SYN2: variants seen among roughly 807,000 people sequenced by gnomAD.
SYN2 encodes synapsin II, also known as synapsin-2.
SYN2 carries 19 observed loss-of-function variants against 50.9 expected under a neutral mutation model. That is an observed-to-expected ratio of 0.37 (90% CI 0.26 to 0.55). The LOEUF is 0.55. SYN2 is among the 20% of genes least tolerant of loss of function. SYN2 has a pLI of 0.81. For synonymous variants in SYN2, 255 were observed against 224.9 expected, an observed-to-expected ratio of 1.13 and a Z score of -1.20; for missense variants, 587 against 576.4, an observed-to-expected ratio of 1.02 and a Z score of -0.19.
chr3:12,153,554 C>A, intron 5 of SYN2: 1 of 1,614,012 alleles, frequency 6.2e-7, no homozygotes, highest in Non-Finnish European at 8.5e-7. Flanking sequence ...TCCTGAGAGG[C>A]AGGTGGCCCC....
At chr3:12,019,551 A>G (rs1253452949) in intron 1 of SYN2, among the ~76,000 whole-genome samples, 2 of 152,214 alleles carry the variant, frequency 1.3e-5, no homozygotes, top group African/African-American at 2.4e-5. Flanking sequence ...ACATCAGTTA[A>G]CTTGGCAAAA....
intron 1 of SYN2, among the ~76,000 whole-genome samples, chr3:12,064,854 C>T (rs1695177815): frequency 6.6e-6 from 1 of 152,100 alleles, no homozygotes; most frequent in Admixed American, 6.6e-5. Context: ...CCATATGAGC[C>T]AGCAATTTCA....
At chr3:12,152,626 C>G (rs1173050937) in intron 5 of SYN2, among the ~76,000 whole-genome samples, 1 of 152,172 alleles carries the variant, frequency 6.6e-6, no homozygotes, top group Non-Finnish European at 1.5e-5. Flanking sequence ...GGTGCTCTAT[C>G]CTGAAATTTG....
chr3:12,051,084 G>A (rs1694850426), intron 1 of SYN2, among the ~76,000 whole-genome samples: 1 of 152,058 alleles, frequency 6.6e-6, no homozygotes, highest in South Asian at 2.1e-4. Flanking sequence ...AAATAGAATA[G>A]CAAAAGGATT....
intron 5 of SYN2, among the ~76,000 whole-genome samples, chr3:12,160,872 A>G (rs1450707901): frequency 6.6e-6 from 1 of 152,258 alleles, no homozygotes; most frequent in Non-Finnish European, 1.5e-5. Flanking sequence ...CCTCTGTTAA[A>G]GTATGGCTAC....
At chr3:12,022,495 C>T (rs1254079461) in intron 1 of SYN2, among the ~76,000 whole-genome samples, 1 of 152,096 alleles carries the variant, frequency 6.6e-6, no homozygotes, top group Non-Finnish European at 1.5e-5. Context: ...GCAACCTTTG[C>T]CTCTCGGATT....
intron 1 of SYN2, among the ~76,000 whole-genome samples, chr3:12,119,208 CT>C (rs1696498593): frequency 1.3e-5 from 2 of 151,356 alleles, no homozygotes; most frequent in South Asian, 4.2e-4. Flanking sequence ...GTCAGCTATC[CT>C]TCCTTGGTTA....
intron 1 of SYN2, among the ~76,000 whole-genome samples, chr3:12,135,764 C>T (rs866042918): frequency 6.6e-6 from 1 of 152,318 alleles, no homozygotes; most frequent in Middle Eastern, 3.4e-3. Flanking sequence ...GTGCTGTCTT[C>T]TGGTTTTCTC....
At chr3:12,098,003 T>C (rs1008645570) in intron 1 of SYN2, among the ~76,000 whole-genome samples, 2 of 151,980 alleles carry the variant, frequency 1.3e-5, no homozygotes, top group African/African-American at 2.4e-5. Flanking sequence ...TTAGAAAGTA[T>C]AATTAAAAAA....
At chr3:12,049,535 T>TAAA (rs1268002186) in intron 1 of SYN2, among the ~76,000 whole-genome samples, 2 of 149,272 alleles carry the variant, frequency 1.3e-5, no homozygotes, top group East Asian at 3.9e-4. Context: ...AAAAAAATAA[T>TAAA]AAAAAATAAA....
intron 1 of SYN2, among the ~76,000 whole-genome samples, chr3:12,019,543 A>G (rs1477025437): frequency 6.6e-6 from 1 of 152,212 alleles, no homozygotes; most frequent in Non-Finnish European, 1.5e-5. Context: ...AGAATAAAAC[A>G]TCAGTTAACT....
At chr3:12,157,092 TAAAAC>T (rs56233336) in intron 5 of SYN2, among the ~76,000 whole-genome samples, 13,768 of 152,100 alleles carry the variant, frequency 0.091, 692 homozygotes, top group African/African-American at 0.13. Context: ...TTTTCTCTCT[TAAAAC>T]AAAACAACAA....
chr3:12,183,417 C>G, intron 11 of SYN2, 45 bp downstream of exon 11: 1 of 1,612,316 alleles, frequency 6.2e-7, no homozygotes, highest in South Asian at 1.1e-5. Context: ...TGCAGTAGGG[C>G]CAAAACAAGT....
At chr3:12,139,502 ACTTGCTATAGGGC>A in intron 1 of SYN2, among the ~76,000 whole-genome samples, 2 of 152,174 alleles carry the variant, frequency 1.3e-5, no homozygotes, top group African/African-American at 4.8e-5. Context: ...TCTGCCACTA[ACTTGCTATAGGGC>A]CTTGAATACA....
At chr3:12,111,497 A>G (rs1387786440) in intron 1 of SYN2, among the ~76,000 whole-genome samples, 1 of 152,192 alleles carries the variant, frequency 6.6e-6, no homozygotes, top group Non-Finnish European at 1.5e-5. Flanking sequence ...CAGGATTATC[A>G]TAATCTCATC....
intron 1 of SYN2, among the ~76,000 whole-genome samples, chr3:12,009,450 A>C (rs1204284381): frequency 6.6e-6 from 1 of 152,144 alleles, no homozygotes; most frequent in African/African-American, 2.4e-5. Flanking sequence ...TTTTAGTCTC[A>C]TAATGATAGC....
chr3:12,108,934 G>C (rs1222242339), intron 1 of SYN2, among the ~76,000 whole-genome samples: 1 of 151,074 alleles, frequency 6.6e-6, no homozygotes, highest in African/African-American at 2.4e-5. Flanking sequence ...CATTCTGAAT[G>C]TCCAATTTTT....
intron 10 of SYN2, among the ~76,000 whole-genome samples, chr3:12,173,328 C>G (rs543066055): frequency 6.6e-6 from 1 of 152,314 alleles, no homozygotes; most frequent in East Asian, 1.9e-4. Context: ...GAGACCAGGA[C>G]TATGGAGCTG....
chr3:12,127,034 A>C (rs1295432283), intron 1 of SYN2, among the ~76,000 whole-genome samples: 1 of 152,234 alleles, frequency 6.6e-6, no homozygotes, highest in East Asian at 1.9e-4. Flanking sequence ...GAGTAAATTA[A>C]TTAGAATTAC....
Sources: gnomAD v4.1 joint callset for allele counts (sites outside exome capture counted in the v4.1 genomes callset) on GRCh38, gnomAD v4.1.1 for gene constraint, MANE v1.5 for transcripts, NCBI Gene and HGNC (gene_info 2026-07-23, HGNC 2026-07-21) for gene names.